Variants in FLT1 observed in about 807,000 individuals in gnomAD.
The protein encoded by FLT1 is fms related receptor tyrosine kinase 1.
Under a neutral mutation model 156.3 loss-of-function variants are expected in FLT1, and 49 were observed. The ratio of observed to expected loss-of-function variants is 0.31; its 90% CI spans 0.25 to 0.40. The LOEUF is 0.40. FLT1 is among the 10% of genes least tolerant of loss of function. The pLI, the probability that FLT1 is intolerant of heterozygous loss-of-function variation, is 1.00. For synonymous variants in FLT1, 594 were observed against 583.8 expected, an observed-to-expected ratio of 1.02 and a Z score of -0.25; for missense variants, 1,322 against 1,637.2, an observed-to-expected ratio of 0.81 and a Z score of 3.32.
At chr13:28,397,900 C>T (rs1194721324) in intron 11 of FLT1, among the ~76,000 whole-genome samples, 2 of 151,922 alleles carry the variant, frequency 1.3e-5, no homozygotes, top group African/African-American at 2.4e-5. Context: ...GACTTTAGTG[C>T]TATTATTTGA....
intron 29 of FLT1, among the ~76,000 whole-genome samples, chr13:28,305,590 G>A (rs1870710147): frequency 6.6e-6 from 1 of 152,186 alleles, no homozygotes; most frequent in Non-Finnish European, 1.5e-5. Context: ...ATGCCCACCT[G>A]TTTCTGTAAA....
In FLT1 at chr13:28,303,492, A is replaced by ACCC. The variant is rs5802470; in HGVS notation, c.3816-127_3816-125dup. On this transcript the variant is annotated intron_variant, in intron 29 of 29. Transcript: ENST00000282397. ...CCTGTCTAGAGTTCATGGTTTTGGA[A>ACCC]CCCCCCCCCCCTCAATTGCTGTCAG... The ACCC allele has an allele frequency of 3.2e-3, 2,088 of 644,730 alleles. 18 individuals carry two copies. The highest frequency in any genetic ancestry group is 0.011 in the African/African-American group (604 of 52,974). The allele number at this position is 644,730 out of a possible 1,614,324, so 39.9% of individuals were successfully genotyped here. A position where few individuals can be genotyped will look rare whatever the true frequency, so the allele number is the denominator to read the frequency against.
chr13:28,400,304 C>G (rs1245200211), intron 11 of FLT1, among the ~76,000 whole-genome samples: 1 of 152,128 alleles, frequency 6.6e-6, no homozygotes, highest in Non-Finnish European at 1.5e-5. Flanking sequence ...AGCTGCTCTT[C>G]AACTGTTGTT....
chr13:28,311,098 C>G (rs1371651090), intron 27 of FLT1, among the ~76,000 whole-genome samples: 1 of 152,158 alleles, frequency 6.6e-6, no homozygotes, highest in Non-Finnish European at 1.5e-5. Context: ...GCTGGGACTA[C>G]AGGTGCCCAC....
At chr13:28,428,007 C>T (rs1358230685) in intron 8 of FLT1, 86 bp from the exon 9 acceptor site, 2 of 1,152,538 alleles carry the variant, frequency 1.7e-6, no homozygotes, top group Admixed American at 1.7e-5. Flanking sequence ...TTTTTGAGCT[C>T]AAGTTGACCA....
intron 20 of FLT1, among the ~76,000 whole-genome samples, chr13:28,326,872 T>C (rs996173344): frequency 1.3e-4 from 20 of 152,206 alleles, no homozygotes; most frequent in African/African-American, 4.3e-4. Context: ...TGGGTCCACA[T>C]GTTCCTTTTA....
At chr13:28,311,430 C>T (rs776033413) in intron 27 of FLT1, among the ~76,000 whole-genome samples, 160 bp downstream of exon 27, 14 of 152,182 alleles carry the variant, frequency 9.2e-5, no homozygotes, top group Admixed American at 2.0e-4. Flanking sequence ...AGGGGATGGG[C>T]ATATGGGTGG....
rs1363235063 is a variant in FLT1 at position 28,467,600 on chromosome 13, T to C, written c.82A>G (p.Lys28Glu). 1 of 1,602,766 alleles carries C rather than the reference T, an allele frequency of 6.2e-7. No homozygotes were observed. The highest frequency in any genetic ancestry group is 8.5e-7 in the Non-Finnish European group (1 of 1,172,264). ...LLLTGSSSGSKLKDPELSLKG... is the reference protein window; with the variant it reads ...LLLTGSSSGSELKDPELSLKG... Reference sequence around the variant, plus strand: ...AAACTCAGTTCAGGATCTTTTAATTTTGAACCTGAACTAGATCCTGAAAAA... The same window carrying C: ...AAACTCAGTTCAGGATCTTTTAATTCTGAACCTGAACTAGATCCTGAAAAA... Residue 28 changes from lysine (K) to glutamate (E), a missense_variant, in exon 2 of 30, where the codon AAA (lysine) becomes GAA (glutamate). Coordinates refer to ENST00000282397, the MANE Select transcript of FLT1 (RefSeq NM_002019.4).
intron 15 of FLT1, among the ~76,000 whole-genome samples, chr13:28,352,147 G>A (rs1872752601): frequency 6.6e-6 from 1 of 152,190 alleles, no homozygotes; most frequent in African/African-American, 2.4e-5. Context: ...AACCTATAGA[G>A]CAACAGAGCA....
chr13:28,483,842 C>T (rs912045564), intron 1 of FLT1, among the ~76,000 whole-genome samples: 2 of 152,168 alleles, frequency 1.3e-5, no homozygotes, highest in African/African-American at 4.8e-5. Flanking sequence ...ATTCCAAACC[C>T]TGAAAACAAA....
intron 1 of FLT1, among the ~76,000 whole-genome samples, chr13:28,475,884 A>G (rs981648175): frequency 6.6e-6 from 1 of 152,182 alleles, no homozygotes; most frequent in African/African-American, 2.4e-5. Context: ...ATAATGTCCC[A>G]TCTCCTCTCA....
chr13:28,488,661 C>T (rs1049199606), intron 1 of FLT1, among the ~76,000 whole-genome samples: 11 of 152,002 alleles, frequency 7.2e-5, no homozygotes, highest in South Asian at 2.1e-4. Context: ...GGCACCAGCT[C>T]GAGCCCAAGC....
intron 7 of FLT1, among the ~76,000 whole-genome samples, chr13:28,430,473 A>G (rs1877617802): frequency 6.6e-6 from 1 of 152,176 alleles, no homozygotes; most frequent in African/African-American, 2.4e-5. Context: ...ATTTCTAAAA[A>G]TCTACCTGGC....
At chr13:28,409,013 G>C (rs1875980821) in intron 10 of FLT1, among the ~76,000 whole-genome samples, 1 of 152,218 alleles carries the variant, frequency 6.6e-6, no homozygotes, top group Non-Finnish European at 1.5e-5. Context: ...AAAGAAAGCA[G>C]CCAATTATGT....
intron 24 of FLT1, among the ~76,000 whole-genome samples, chr13:28,318,553 T>C (rs907045590): frequency 2.0e-5 from 3 of 152,192 alleles, no homozygotes; most frequent in Non-Finnish European, 2.9e-5. Flanking sequence ...AGGAAGCAGC[T>C]GGGAGGCGTG....
chr13:28,405,019 CAAA>C (rs762428024), intron 11 of FLT1, among the ~76,000 whole-genome samples: 966 of 94,642 alleles, frequency 0.01, 7 homozygotes, highest in Non-Finnish European at 0.013. Context: ...GACTCCATCT[CAAA>C]AAAAAAAAAA....
intron 28 of FLT1, among the ~76,000 whole-genome samples, 198 bp from the exon 29 acceptor site, chr13:28,306,970 T>C (rs1306458229): frequency 2.0e-5 from 3 of 152,182 alleles, no homozygotes; most frequent in African/African-American, 7.2e-5. Flanking sequence ...TGATCCCCAG[T>C]GACTTTGAGG....
chr13:28,319,089 G>C (rs1871330313), intron 24 of FLT1, among the ~76,000 whole-genome samples: 1 of 152,182 alleles, frequency 6.6e-6, no homozygotes, highest in Non-Finnish European at 1.5e-5. Flanking sequence ...GGCATTAGAG[G>C]TGTGGGTGTT....
intron 4 of FLT1, among the ~76,000 whole-genome samples, chr13:28,436,817 C>G (rs576669647): frequency 6.6e-6 from 1 of 152,182 alleles, no homozygotes; most frequent in African/African-American, 2.4e-5. Context: ...TTCCATATAT[C>G]ACCTGACTTA....
Sources: gnomAD v4.1 joint callset for allele counts (sites outside exome capture counted in the v4.1 genomes callset) on GRCh38, gnomAD v4.1.1 for gene constraint, MANE v1.5 for transcripts, NCBI Gene and HGNC (gene_info 2026-07-23, HGNC 2026-07-21) for gene names.